Variants in FER1L6 observed in about 807,000 individuals in gnomAD.
FER1L6 encodes the protein fer-1 like family member 6, also known as fer-1-like protein 6.
In FER1L6, 177 loss-of-function variants were observed where a neutral mutation model predicts 219.2. The ratio of observed to expected loss-of-function variants is 0.81; its 90% CI spans 0.71 to 0.91. The LOEUF (loss-of-function observed/expected upper bound fraction) is 0.91. FER1L6 is among the 40% of genes least tolerant of loss of function. The probability of loss-of-function intolerance (pLI) is 0.00; values close to 1 mark genes in which losing one functional copy is unlikely to be tolerated. For missense variants in FER1L6, 2,153 were observed against 2,259.9 expected, an observed-to-expected ratio of 0.95 and a Z score of 0.96; for synonymous variants, 768 against 824.3, an observed-to-expected ratio of 0.93 and a Z score of 1.17.
intron 3 of FER1L6, among the ~76,000 whole-genome samples, chr8:123,964,718 G>C (rs1447019497): frequency 6.6e-6 from 1 of 152,046 alleles, no homozygotes; most frequent in Non-Finnish European, 1.5e-5. Context: ...CTTTTTCCTT[G>C]GTCAGAACAT....
At chr8:124,102,752 G>A (rs1300486725) in intron 38 of FER1L6, among the ~76,000 whole-genome samples, 1 of 152,170 alleles carries the variant, frequency 6.6e-6, no homozygotes, top group African/African-American at 2.4e-5. Flanking sequence ...CCAAGAGAGA[G>A]GTGAAGTGGG....
intron 1 of FER1L6, chr8:123,925,759 C>G (rs1813541379): frequency 6.6e-6 from 1 of 152,222 alleles, no homozygotes; most frequent in Non-Finnish European, 1.5e-5. Flanking sequence ...GTTGTTTGGT[C>G]TTTTCCAGAC....
chr8:124,009,905 G>T (rs1200780104), intron 13 of FER1L6, among the ~76,000 whole-genome samples: 4 of 143,304 alleles, frequency 2.8e-5, no homozygotes, highest in Non-Finnish European at 5.9e-5. Flanking sequence ...CTGGCAACCC[G>T]GGCAGGAGAA....
At chr8:123,900,635 G>A (rs1365322288) in intron 1 of FER1L6, among the ~76,000 whole-genome samples, 1 of 152,046 alleles carries the variant, frequency 6.6e-6, no homozygotes, top group East Asian at 1.9e-4. Context: ...ATAATATGTG[G>A]GTTTGTCATA....
intron 6 of FER1L6, among the ~76,000 whole-genome samples, chr8:123,972,754 A>C (rs116261595): frequency 0.012 from 1,832 of 152,232 alleles, 35 homozygotes; most frequent in African/African-American, 0.04. Flanking sequence ...CTTTCTCCAC[A>C]CCTGCCAGTT....
intron 16 of FER1L6, among the ~76,000 whole-genome samples, chr8:124,019,912 AAC>A (rs1393457551): frequency 6.6e-6 from 1 of 152,212 alleles, no homozygotes; most frequent in Non-Finnish European, 1.5e-5. Context: ...GATGAGAAGA[AAC>A]CAGCCATGTA....
At position 123,975,926 on chromosome 8, in the gene FER1L6, C is replaced by A. The variant is rs80140850; in HGVS notation, c.712C>A (p.Leu238Met). The stretch of plus-strand genomic sequence containing the variant: ...CCTTTTGATCCCCAATGGGTTTCCA[C>A]TGGAGAGACCGTGGGCCAGATTCTA... ...KNLLIPNGFP[L>M]ERPWARFYVR... The change falls in exon 9 of 41, where the codon CTG (leucine) becomes ATG (methionine). Residue 238 changes from leucine to methionine, a missense_variant. Physicochemically the swap from Leu to Met is conservative, Grantham distance 15. Transcript: ENST00000522917. 4 of 1,612,338 alleles carry A rather than the reference C, an allele frequency of 2.5e-6. No individual in the cohort carries two copies. In the East Asian group the frequency reaches 8.9e-5, roughly 36 times the overall value.
intron 38 of FER1L6, among the ~76,000 whole-genome samples, chr8:124,102,073 G>A (rs767951500): frequency 3.9e-5 from 6 of 152,164 alleles, no homozygotes; most frequent in Non-Finnish European, 8.8e-5. Context: ...AAGCCTCAAC[G>A]TAACAGACTT....
At chr8:124,069,081 C>T (rs1262288386) in intron 28 of FER1L6, among the ~76,000 whole-genome samples, 1 of 151,980 alleles carries the variant, frequency 6.6e-6, no homozygotes, top group African/African-American at 2.4e-5. Flanking sequence ...GGACTACAGG[C>T]GCCCGCCACC....
intron 1 of FER1L6, among the ~76,000 whole-genome samples, chr8:123,927,807 C>T (rs1178247337): frequency 6.6e-6 from 1 of 152,110 alleles, no homozygotes; most frequent in East Asian, 1.9e-4. Flanking sequence ...GGTTAGAGAG[C>T]TGAATTGGTT....
chr8:123,971,835 A>G (rs1008942749), intron 6 of FER1L6, among the ~76,000 whole-genome samples: 4 of 152,214 alleles, frequency 2.6e-5, no homozygotes, highest in Admixed American at 2.6e-4. Flanking sequence ...TCAGTGGCCA[A>G]GGCATGCAGG....
rs143315742 is a variant in FER1L6, at chr8:124,115,483, C to T, written c.5290-3361C>T. On this transcript the variant is annotated intron_variant, in intron 39 of 40. Transcript: ENST00000522917. The stretch of plus-strand genomic sequence containing the variant: ...GGCTCTTCATGATGATAACAAATGA[C>T]ACCTATCTCTAGGACAGAAGTAATT... 4.1e-3 allele frequency among the ~76,000 whole-genome samples: 628 copies of T among 152,238 alleles called. 3 individuals carry two copies. The highest frequency in any genetic ancestry group is 0.014 in the African/African-American group (598 of 41,554).
chr8:123,988,754 A>T (rs1816711079), intron 12 of FER1L6, among the ~76,000 whole-genome samples: 1 of 151,690 alleles, frequency 6.6e-6, no homozygotes, highest in Non-Finnish European at 1.5e-5. Flanking sequence ...CAAATATAAG[A>T]TCATATCATC....
At chr8:123,977,817 CA>C (rs1156758235) in intron 10 of FER1L6, among the ~76,000 whole-genome samples, 1 of 152,172 alleles carries the variant, frequency 6.6e-6, no homozygotes, top group Non-Finnish European at 1.5e-5. Context: ...TTAGTCTCCT[CA>C]TAAGGAGCAT....
intron 5 of FER1L6, among the ~76,000 whole-genome samples, chr8:123,967,230 T>C (rs752830576): frequency 1.3e-5 from 2 of 152,216 alleles, no homozygotes; most frequent in Non-Finnish European, 2.9e-5. Flanking sequence ...ACTAGGCATT[T>C]GCGTATCCTT....
Position 124,049,670 on chromosome 8 carries a change from T to C in FER1L6, c.2788T>C (p.Tyr930His). 1 of 1,614,084 alleles carries C rather than the reference T, an allele frequency of 6.2e-7. No homozygotes were observed. Among genetic ancestry groups the C allele is most frequent in the African/African-American group, 1.3e-5 (1 of 75,046 alleles). Reference protein sequence around the residue: ...APVVKLADQDYEPPRLCYHPI... With the variant: ...APVVKLADQDHEPPRLCYHPI... ...TGTTGTGAAGCTGGCTGACCAGGAC[T>C]ATGAGCCCCCCAGGTTATGCTATCA... The change falls in exon 22 of 41, where the codon TAT (tyrosine) becomes CAT (histidine). Residue 930 changes from tyrosine to histidine, a missense_variant. Coordinates refer to ENST00000522917, the MANE Select transcript of FER1L6 (RefSeq NM_001039112.2).
Position 123,980,366 on chromosome 8 carries a change from C to A in FER1L6, c.1064-99C>A, listed in dbSNP as rs1048304723. 37 of 974,454 alleles carry A rather than the reference C, an allele frequency of 3.8e-5. No individual in the cohort carries two copies. The African/African-American group carries it at 5.7e-4, about 15-fold the overall frequency. The allele number at this position is 974,454 out of a possible 1,614,324, so 60.4% of individuals were successfully genotyped here. A position where few individuals can be genotyped will look rare whatever the true frequency, so the allele number is the denominator to read the frequency against. On this transcript the variant is annotated intron_variant, in intron 10 of 40. Coordinates refer to ENST00000522917, the MANE Select transcript of FER1L6 (RefSeq NM_001039112.2). ...TCATGGGATATCCTGTCAATATTTTCTTTCGTCTTTCTTGGATATTCTACA... is the reference window on the plus strand; with the variant it reads ...TCATGGGATATCCTGTCAATATTTTATTTCGTCTTTCTTGGATATTCTACA...
chr8:123,889,263 C>A (rs541581849), intron 1 of FER1L6, among the ~76,000 whole-genome samples: 1 of 152,226 alleles, frequency 6.6e-6, no homozygotes, highest in East Asian at 1.9e-4. Flanking sequence ...ACCTGATATT[C>A]ACAGGTTATA....
intron 1 of FER1L6, among the ~76,000 whole-genome samples, chr8:123,900,154 G>A (rs1812831142): frequency 6.6e-6 from 1 of 152,106 alleles, no homozygotes; most frequent in African/African-American, 2.4e-5. Flanking sequence ...ATTTGTTTGT[G>A]TGGTCTATGA....
Sources: gnomAD v4.1 joint callset for allele counts (sites outside exome capture counted in the v4.1 genomes callset) on GRCh38, gnomAD v4.1.1 for gene constraint, MANE v1.5 for transcripts, NCBI Gene and HGNC (gene_info 2026-07-23, HGNC 2026-07-21) for gene names.